MINK1: variants seen among roughly 807,000 people sequenced by gnomAD.
The protein encoded by MINK1 is misshapen like kinase 1, also known as misshapen-like kinase 1.
MINK1 carries 46 observed loss-of-function variants against 178.4 expected under a neutral mutation model. That is an observed-to-expected ratio of 0.26 (90% CI 0.20 to 0.33). The LOEUF (loss-of-function observed/expected upper bound fraction) is 0.33, where lower values mean the gene tolerates loss of function less well. Among genes scored for constraint, MINK1 ranks in the 10% least tolerant of loss-of-function variants. MINK1 has a pLI of 1.00. For missense variants in MINK1, 1,366 were observed against 1,814.9 expected (o/e 0.75, Z 4.49); for synonymous variants, 797 against 709.7 (o/e 1.12, Z -1.96).
In MINK1 at chr17:4,833,856, G is replaced by T. The variant is rs1908864022; in HGVS notation, c.57+216G>T. Among the ~76,000 whole-genome samples, 1 of 152,222 alleles carries T rather than the reference G, an allele frequency of 6.6e-6. No homozygotes were observed. Among genetic ancestry groups the T allele is most frequent in the South Asian group, 2.1e-4 (1 of 4,826 alleles). On this transcript the variant is annotated intron_variant, in intron 1 of 31. Transcript: ENST00000355280. The surrounding 1 kb of genome is among the most constrained non-coding windows in gnomAD (Gnocchi z 4.8). ...GGCTGCAGATGCTGGGAGCCAGTTCGGTCCCCACCCTGTGGTGCCCCGCCC... is the reference window on the plus strand; with the variant it reads ...GGCTGCAGATGCTGGGAGCCAGTTCTGTCCCCACCCTGTGGTGCCCCGCCC...
In MINK1 at chr17:4,889,767, G is replaced by A; in HGVS notation, c.1347+4G>A. The A allele has an allele frequency of 1.3e-6, 2 of 1,530,536 alleles. No homozygotes were observed. The highest frequency in any genetic ancestry group is 2.4e-5 in the South Asian group (2 of 82,886). The allele number at this position is 1,530,536 out of a possible 1,614,324, so 94.8% of individuals were successfully genotyped here. A position where few individuals can be genotyped will look rare whatever the true frequency, so the allele number is the denominator to read the frequency against. On this transcript the variant is annotated splice_donor_region_variant and intron_variant, in intron 13 of 31. Transcript: ENST00000355280. ...GCGGCAGGCGGAGCGCGAGCAGGTA[G>A]AGCGCCGCACCCGCATCCCTGCCCT...
chr17:4,874,532 G>C lies in MINK1; in HGVS notation c.58-3785G>C, dbSNP rs141884833. On this transcript the variant is annotated intron_variant, in intron 1 of 31. Transcript: ENST00000355280. ...CATGGGGGAGGCTAGAGTTCCAGGA[G>C]GGAGGACATGAGGGATTGGTCTGAG... Among the ~76,000 whole-genome samples the C allele has an allele frequency of 2.7e-3, 410 of 152,288 alleles. 1 individual carries two copies. Among genetic ancestry groups the C allele is most frequent in the African/African-American group, 9.6e-3 (399 of 41,548 alleles).
intron 1 of MINK1, chr17:4,834,750 G>T (rs779285099): frequency 1.9e-6 from 1 of 520,034 alleles, no homozygotes; most frequent in Admixed American, 1.9e-5. Flanking sequence ...AGGCCAAGGT[G>T]TGGGGAGAGC....
In MINK1 at chr17:4,891,570, C is replaced by T; in HGVS notation, c.1855C>T (p.Pro619Ser). 6.2e-7 allele frequency: 1 copy of T among 1,606,718 alleles called. No homozygotes were observed. Among genetic ancestry groups the T allele is most frequent in the Non-Finnish European group, 8.5e-7 (1 of 1,177,130 alleles). ...NLAAFPASHD[P>S]DPAIPAPTAT... ...GGCTGCCTTCCCAGCCTCCCATGAC[C>T]CCGACCCTGCCATCCCCGCACCCAC... The change falls in exon 16 of 32, where the codon CCC (proline) becomes TCC (serine). Residue 619 changes from proline to serine, a missense_variant. Transcript: ENST00000355280.
rs769560907 is a variant in MINK1, at chr17:4,893,600, A to C, written c.2564+3A>C. On this transcript the variant is annotated splice_donor_region_variant and intron_variant, in intron 21 of 31. Coordinates refer to ENST00000355280, the MANE Select transcript of MINK1 (RefSeq NM_153827.5). Reference sequence around the variant, plus strand: ...AGCAGAGATACCCCTGGGGGCCGGTACGGCATCGGGAGTGGGGCCCTCCCA... The same window carrying C: ...AGCAGAGATACCCCTGGGGGCCGGTCCGGCATCGGGAGTGGGGCCCTCCCA... 6.5e-7 allele frequency: 1 copy of C among 1,528,694 alleles called. No individual in the cohort carries two copies. Among genetic ancestry groups the C allele is most frequent in the Non-Finnish European group, 8.8e-7 (1 of 1,135,436 alleles). The allele number at this position is 1,528,694 out of a possible 1,614,324, so 94.7% of individuals were successfully genotyped here. A position where few individuals can be genotyped will look rare whatever the true frequency, so the allele number is the denominator to read the frequency against.
chr17:4,881,862 C>T (rs1032056159), intron 4 of MINK1, among the ~76,000 whole-genome samples: 1 of 152,268 alleles, frequency 6.6e-6, no homozygotes, highest in Non-Finnish European at 1.5e-5. Flanking sequence ...CAGCCTCACC[C>T]TTTGTGGTAC....
intron 16 of MINK1, 73 bp from the exon 17 acceptor site, chr17:4,892,076 A>T: frequency 7.8e-7 from 1 of 1,287,938 alleles, no homozygotes; most frequent in Non-Finnish European, 1.1e-6. Context: ...CTCACCTCTC[A>T]GAGGTGAGGC....
intron 1 of MINK1, chr17:4,861,765 T>C: frequency 5.4e-6 from 1 of 184,266 alleles, no homozygotes; most frequent in South Asian, 6.6e-5. Context: ...CCTCCCAAGG[T>C]GCTGGGATTA....
intron 20 of MINK1, 60 bp from the exon 21 acceptor site, chr17:4,893,374 T>C: frequency 6.2e-7 from 1 of 1,608,972 alleles, no homozygotes; most frequent in Non-Finnish European, 8.5e-7. Flanking sequence ...CCCGGCACCC[T>C]TTGTCTACCT....
intron 1 of MINK1, chr17:4,859,110 G>A (rs1312725889): frequency 1.0e-6 from 1 of 985,046 alleles, no homozygotes; most frequent in African/African-American, 1.7e-5. Flanking sequence ...ATATCTGAGT[G>A]AATAATCATT....
chr17:4,887,104 C>T lies in MINK1; in HGVS notation c.950-6C>T, dbSNP rs1413780672. 6.3e-7 allele frequency: 1 copy of T among 1,587,110 alleles called. No individual in the cohort carries two copies. The stretch of plus-strand genomic sequence containing the variant: ...GTGAGATAACTGCAGTGGCCTCCCC[C>T]TGCAGAGGAGACAGAATATGAGTAC... On this transcript the variant is annotated splice_region_variant and splice_polypyrimidine_tract_variant and intron_variant, in intron 10 of 31. Transcript: ENST00000355280. The surrounding 1 kb of genome is among the most constrained non-coding windows in gnomAD (Gnocchi z 7.6).
rs1023843912 is a variant in MINK1, at chr17:4,881,542, G to A, written c.306+285G>A. ...AACCAGTGTCTCACACTGTGCGATC[G>A]GCTCTTAATAAATAAATATAATCCT... On this transcript the variant is annotated intron_variant, in intron 4 of 31. Coordinates refer to ENST00000355280, the MANE Select transcript of MINK1 (RefSeq NM_153827.5). Among the ~76,000 whole-genome samples the A allele has an allele frequency of 9.9e-5, 15 of 152,278 alleles. 1 individual carries two copies. The highest frequency in any genetic ancestry group is 1.9e-4 in the African/African-American group (8 of 41,562).
chr17:4,865,076 G>A (rs931853698), intron 1 of MINK1, among the ~76,000 whole-genome samples: 1 of 152,086 alleles, frequency 6.6e-6, no homozygotes, highest in Non-Finnish European at 1.5e-5. Context: ...CACTCCATAC[G>A]TTTTTATTTT....
chr17:4,869,660 C>T (rs1009283234), intron 1 of MINK1, among the ~76,000 whole-genome samples: 3 of 151,812 alleles, frequency 2.0e-5, no homozygotes, highest in Non-Finnish European at 4.4e-5. Context: ...GAGGAACCTG[C>T]TTACTGTTGT....
intron 1 of MINK1, among the ~76,000 whole-genome samples, chr17:4,870,075 CTT>C (rs916259265): frequency 2.1e-5 from 3 of 145,824 alleles, no homozygotes; most frequent in Middle Eastern, 7.0e-3. Flanking sequence ...GCCCAGCTAA[CTT>C]TTTTTTTTTA....
Position 4,885,143 on chromosome 17 carries a change from C to T in MINK1, c.508+141C>T. On this transcript the variant is annotated intron_variant, in intron 6 of 31. Coordinates refer to ENST00000355280, the MANE Select transcript of MINK1 (RefSeq NM_153827.5). This position sits in a 1 kb window ranked among gnomAD's most constrained non-coding sequence, Gnocchi z 5.0. ...ACTCCCTCCCCTTTCCCCTCTCCCC[C>T]TGGAATGCCCTGCCTCCTGCTGAAA... is the stretch of plus-strand genomic sequence containing the variant. The T allele has an allele frequency of 1.3e-6, 1 of 769,070 alleles. No individual in the cohort carries two copies. Among genetic ancestry groups the T allele is most frequent in the Non-Finnish European group, 2.1e-6 (1 of 474,186 alleles). 47.6% of individuals were successfully genotyped at this position (769,070 alleles called of 1,614,324 possible). A position where few individuals can be genotyped will look rare whatever the true frequency, so the allele number is the denominator to read the frequency against.
At chr17:4,859,918 G>A (rs538127149) in intron 1 of MINK1, among the ~76,000 whole-genome samples, 54 of 150,894 alleles carry the variant, frequency 3.6e-4, no homozygotes, top group Admixed American at 2.2e-3. Context: ...AACCAACACC[G>A]TAGGAACTAC....
chr17:4,881,008 C>T lies in MINK1; in HGVS notation c.148C>T (p.Leu50=), dbSNP rs1567600330. ...GGGTCGGCATGTCAAGACGGGGCAG[C>T]TGGCTGCCATCAAGGTCATGGATGT... ...YKGRHVKTGQ[L]AAIKVMDVTE... is the part of the protein sequence containing the mutation. Residue 50 remains leucine, a synonymous_variant, in exon 3 of 32, where the codon CTG becomes TTG. Transcript: ENST00000355280. 6.6e-7 allele frequency: 1 copy of T among 1,526,502 alleles called. No individual in the cohort carries two copies. Among genetic ancestry groups the T allele is most frequent in the Non-Finnish European group, 8.8e-7 (1 of 1,141,336 alleles). 94.6% of individuals were successfully genotyped at this position (1,526,502 alleles called of 1,614,324 possible).
rs1395994854 is a variant in MINK1 at position 4,896,686 on chromosome 17, C to T, written c.3788C>T (p.Ser1263Phe). The stretch of plus-strand genomic sequence containing the variant: ...CTGTTCCCCACAGCCTACATCTGCT[C>T]CAACCAGATAATGGGCTGGGGTGAG... Reference protein sequence around the residue: ...EMPTSVAYICSNQIMGWGEKA... With the variant: ...EMPTSVAYICFNQIMGWGEKA... The change falls in exon 31 of 32, where the codon TCC becomes TTC. Residue 1263 changes from serine (S) to phenylalanine (F), a missense_variant. This residue lies in a region of MINK1 where 201 missense variants were observed against 240.7 expected (regional missense o/e 0.84). Coordinates refer to ENST00000355280, the MANE Select transcript of MINK1 (RefSeq NM_153827.5). The surrounding 1 kb of genome is among the most constrained non-coding windows in gnomAD (Gnocchi z 4.6). 6.2e-7 allele frequency: 1 copy of T among 1,601,486 alleles called. No homozygotes were observed. The highest frequency in any genetic ancestry group is 8.5e-7 in the Non-Finnish European group (1 of 1,172,696).
Sources: allele counts gnomAD v4.1 joint callset (sites outside exome capture counted in the v4.1 genomes callset), GRCh38; gene constraint gnomAD v4.1.1; regional missense constraint gnomAD v4.1.1; non-coding constraint Gnocchi (gnomAD v3.1); transcripts MANE v1.5; gene names NCBI Gene and HGNC (gene_info 2026-07-23, HGNC 2026-07-21).